The following SPAG9 variants were observed in gnomAD, a reference collection of about 807,000 sequenced individuals.
SPAG9 encodes C-Jun-amino-terminal kinase-interacting protein 4.
Under a neutral mutation model 166.5 loss-of-function variants are expected in SPAG9, and 35 were observed. That is an observed-to-expected ratio of 0.21 (90% CI 0.16 to 0.28). The LOEUF (loss-of-function observed/expected upper bound fraction) is 0.28. Among genes scored for constraint, SPAG9 ranks in the 10% least tolerant of loss-of-function variants. SPAG9 has a pLI of 1.00. For synonymous variants in SPAG9, 534 were observed against 565.5 expected, an observed-to-expected ratio of 0.94 and a Z score of 0.79; for missense variants, 1,235 against 1,603.3, an observed-to-expected ratio of 0.77 and a Z score of 3.92.
intron 1 of SPAG9, among the ~76,000 whole-genome samples, chr17:51,086,500 A>T (rs1256423096): frequency 2.0e-5 from 3 of 151,844 alleles, no homozygotes; most frequent in Non-Finnish European, 4.4e-5. Context: ...AAAAAAAAAA[A>T]AAATTAGCCA....
At chr17:50,966,609 CTG>C (rs1973380928) in intron 29 of SPAG9, among the ~76,000 whole-genome samples, 1 of 152,318 alleles carries the variant, frequency 6.6e-6, no homozygotes, top group African/African-American at 2.4e-5. Flanking sequence ...ATTTTTCAGA[CTG>C]TATTTATAAA....
chr17:51,106,400 A>AT (rs757272013), intron 1 of SPAG9, among the ~76,000 whole-genome samples: 48 of 152,200 alleles, frequency 3.2e-4, no homozygotes, highest in Non-Finnish European at 5.1e-4. Context: ...ACAATCTGTA[A>AT]TTAACTGGTT....
chr17:50,997,984 C>T (rs1237793532), intron 15 of SPAG9, among the ~76,000 whole-genome samples: 1 of 133,996 alleles, frequency 7.5e-6, no homozygotes, highest in Admixed American at 7.8e-5. Context: ...CTTTTGACTA[C>T]AAGTAATTTA....
chr17:51,007,342 A>G lies in SPAG9; in HGVS notation c.1214-16T>C. 2 of 1,479,568 alleles carry G rather than the reference A, an allele frequency of 1.4e-6. No homozygotes were observed. The highest frequency in any genetic ancestry group is 2.5e-5 in the South Asian group (2 of 80,442). 91.7% of individuals were successfully genotyped at this position (1,479,568 alleles called of 1,614,324 possible). A position where few individuals can be genotyped will look rare whatever the true frequency, so the allele number is the denominator to read the frequency against. On this transcript the variant is annotated splice_polypyrimidine_tract_variant and intron_variant, in intron 9 of 29. Transcript: ENST00000262013. Reference sequence around the variant, plus strand: ...CGACCCATTCCTATCAAACGAAAAAAGATAAAGACTTTGAAAATAAATGCA... The same window carrying G: ...CGACCCATTCCTATCAAACGAAAAAGGATAAAGACTTTGAAAATAAATGCA...
At chr17:51,086,525 C>G (rs1030282504) in intron 1 of SPAG9, among the ~76,000 whole-genome samples, 1 of 151,554 alleles carries the variant, frequency 6.6e-6, no homozygotes, top group Non-Finnish European at 1.5e-5. Flanking sequence ...TGGTGGCATG[C>G]ACCTGTAGTC....
chr17:51,021,419 C>A, intron 6 of SPAG9, 54 bp from the exon 7 acceptor site: 2 of 1,392,312 alleles, frequency 1.4e-6, no homozygotes, highest in Non-Finnish European at 2.0e-6. Flanking sequence ...TTACTCTAAA[C>A]CACATTAAAT....
At chr17:51,062,264 C>T (rs1448845879) in intron 2 of SPAG9, among the ~76,000 whole-genome samples, 1 of 152,158 alleles carries the variant, frequency 6.6e-6, no homozygotes, top group African/African-American at 2.4e-5. Flanking sequence ...ATCGATGAAC[C>T]TACACTGACA....
intron 28 of SPAG9, among the ~76,000 whole-genome samples, chr17:50,971,789 C>CA (rs753018018): frequency 3.3e-5 from 5 of 150,766 alleles, no homozygotes; most frequent in Non-Finnish European, 5.9e-5. Context: ...ATTTTTGAGA[C>CA]AGAGTTTCGC....
intron 23 of SPAG9, among the ~76,000 whole-genome samples, chr17:50,985,324 G>A (rs1458318793): frequency 6.6e-6 from 1 of 152,150 alleles, no homozygotes; most frequent in East Asian, 1.9e-4. Context: ...TAGGCTCAGA[G>A]ATAAACTGTC....
intron 2 of SPAG9, among the ~76,000 whole-genome samples, chr17:51,063,833 G>T (rs1325442785): frequency 6.6e-6 from 1 of 152,174 alleles, no homozygotes; most frequent in Non-Finnish European, 1.5e-5. Context: ...AGTGAGCCAA[G>T]ATCGTGCCAC....
chr17:51,085,984 T>TTA (rs2048295414), intron 1 of SPAG9, among the ~76,000 whole-genome samples: 1 of 132,066 alleles, frequency 7.6e-6, no homozygotes, highest in Non-Finnish European at 1.7e-5. Flanking sequence ...TTTTTTTTTT[T>TTA]GAGACAGAGA....
intron 3 of SPAG9, among the ~76,000 whole-genome samples, chr17:51,053,617 G>A (rs528662280): frequency 6.6e-6 from 1 of 151,102 alleles, no homozygotes; most frequent in Non-Finnish European, 1.5e-5. Context: ...CCCAGGAGGC[G>A]GAGGTTGCAG....
intron 3 of SPAG9, among the ~76,000 whole-genome samples, chr17:51,050,133 CT>C (rs1295391522): frequency 6.6e-6 from 1 of 152,190 alleles, no homozygotes; most frequent in Non-Finnish European, 1.5e-5. Flanking sequence ...TCTAAACTTT[CT>C]TTTAATGACT....
At chr17:50,988,710 C>T (rs966113531) in intron 21 of SPAG9, among the ~76,000 whole-genome samples, 12 of 152,066 alleles carry the variant, frequency 7.9e-5, no homozygotes, top group African/African-American at 2.4e-4. Flanking sequence ...CACGCTACCA[C>T]GCCCAGCGAA....
rs2143515511 is a variant in SPAG9 at position 50,965,182 on chromosome 17, C to A, written c.*1090G>T. On this transcript the variant is annotated 3_prime_UTR_variant, in exon 30 of 30. Coordinates refer to ENST00000262013, the MANE Select transcript of SPAG9 (RefSeq NM_001130528.3). ...TCCCCTTTGAGGATAACCCTTCAAG[C>A]TCAAAAGGGCACAAAAGCTAAAACG... The A allele has an allele frequency of 6.6e-6, 1 of 152,270 alleles. No individual in the cohort carries two copies. The highest frequency in any genetic ancestry group is 1.9e-4 in the East Asian group (1 of 5,184). The allele number at this position is 152,270 out of a possible 1,614,324, so 9.4% of individuals were successfully genotyped here. A position where few individuals can be genotyped will look rare whatever the true frequency, so the allele number is the denominator to read the frequency against.
intron 3 of SPAG9, among the ~76,000 whole-genome samples, chr17:51,047,702 C>T (rs1316423375): frequency 5.4e-5 from 4 of 74,418 alleles, no homozygotes; most frequent in Admixed American, 1.3e-4. Context: ...CTTAGGATGG[C>T]AAAAAAAAAA....
At chr17:51,114,404 G>C (rs2049220716) in intron 1 of SPAG9, among the ~76,000 whole-genome samples, 1 of 152,134 alleles carries the variant, frequency 6.6e-6, no homozygotes, top group Non-Finnish European at 1.5e-5. Context: ...GGCCAAGGTA[G>C]GCAGATAACA....
intron 1 of SPAG9, among the ~76,000 whole-genome samples, chr17:51,099,622 T>C (rs2048744193): frequency 2.0e-5 from 3 of 151,710 alleles, no homozygotes; most frequent in African/African-American, 7.2e-5. Flanking sequence ...CTTACTAACT[T>C]TGTTACACAG....
At chr17:50,974,507 A>C (rs929892055) in intron 28 of SPAG9, among the ~76,000 whole-genome samples, 3 of 152,232 alleles carry the variant, frequency 2.0e-5, no homozygotes, top group Non-Finnish European at 2.9e-5. Context: ...TGATAAAATA[A>C]TACTACTGCT....
Sources: allele counts gnomAD v4.1 joint callset (sites outside exome capture counted in the v4.1 genomes callset), GRCh38; gene constraint gnomAD v4.1.1; transcripts MANE v1.5; gene names NCBI Gene and HGNC (gene_info 2026-07-23, HGNC 2026-07-21).